The following SRBD1 variants were observed in gnomAD, a reference collection of about 807,000 sequenced individuals.
SRBD1 encodes the protein S1 RNA-binding domain-containing protein 1.
In SRBD1, 88 loss-of-function variants were observed where a neutral mutation model predicts 115.3. The observed-to-expected ratio is 0.76, with a 90% CI of 0.64 to 0.91. The LOEUF (loss-of-function observed/expected upper bound fraction) is 0.91, where lower values mean the gene tolerates loss of function less well. SRBD1 is among the 40% of genes least tolerant of loss of function. The pLI, the probability that SRBD1 is intolerant of heterozygous loss-of-function variation, is 0.00. For synonymous variants in SRBD1, 509 were observed against 407.7 expected, an observed-to-expected ratio of 1.25 and a Z score of -2.99; for missense variants, 1,385 against 1,177.4, an observed-to-expected ratio of 1.18 and a Z score of -2.58.
chr2:45,585,458 A>T, intron 5 of SRBD1, 150 bp downstream of exon 5: 1 of 806,034 alleles, frequency 1.2e-6, no homozygotes, highest in Non-Finnish European at 1.9e-6. Context: ...GACTCCATAC[A>T]CTCGCTAAAT....
intron 19 of SRBD1, among the ~76,000 whole-genome samples, chr2:45,408,715 T>C (rs1040111719): frequency 6.6e-6 from 1 of 152,202 alleles, no homozygotes; most frequent in African/African-American, 2.4e-5. Flanking sequence ...GTAATTCTAC[T>C]TCTAGGAATC....
intron 14 of SRBD1, among the ~76,000 whole-genome samples, chr2:45,501,495 G>A (rs901892928): frequency 2.0e-5 from 3 of 152,234 alleles, no homozygotes; most frequent in Non-Finnish European, 1.5e-5. Context: ...GCAAGGCATC[G>A]CCTCACCCAG....
chr2:45,432,003 GTATT>G (rs3047186), intron 16 of SRBD1, among the ~76,000 whole-genome samples: 50,807 of 142,618 alleles, frequency 0.36, 9,474 homozygotes, highest in Non-Finnish European at 0.42. Flanking sequence ...AGAGTTAAAA[GTATT>G]TATTTATTTA....
In SRBD1 at chr2:45,488,281, T is replaced by C. The variant is rs375090598; in HGVS notation, c.1925A>G (p.Asn642Ser). The change falls in exon 15 of 21, where the codon AAC becomes AGC. Residue 642 changes from asparagine to serine, a missense_variant. By Grantham distance (46) the Asn-to-Ser change is conservative. Transcript: ENST00000263736. ...ASIYSVSPEA[N>S]KEMPGLDPNL... ...AGGGTCCAGCCCTGGCATCTCTTTG[T>C]TAGCTTCAGGGCTGACACTGTAGAT... The C allele has an allele frequency of 6.2e-7, 1 of 1,614,058 alleles. No homozygotes were observed. Among genetic ancestry groups the C allele is most frequent in the Non-Finnish European group, 8.5e-7 (1 of 1,179,980 alleles).
intron 15 of SRBD1, among the ~76,000 whole-genome samples, chr2:45,478,094 T>C (rs111501426): frequency 6.6e-6 from 1 of 152,290 alleles, no homozygotes; most frequent in Non-Finnish European, 1.5e-5. Context: ...CCCTCTCCAG[T>C]AGCATATTTA....
intron 12 of SRBD1, among the ~76,000 whole-genome samples, chr2:45,550,106 T>C (rs1672249338): frequency 1.3e-5 from 2 of 152,048 alleles, no homozygotes; most frequent in South Asian, 2.1e-4. Flanking sequence ...AAGTATCAAA[T>C]GGAAATTCTA....
chr2:45,584,396 A>G (rs2104193727), intron 5 of SRBD1, among the ~76,000 whole-genome samples: 1 of 152,304 alleles, frequency 6.6e-6, no homozygotes, highest in South Asian at 2.1e-4. Context: ...ATATTTTTAC[A>G]TTGGCAAATT....
At chr2:45,610,940 AAC>A (rs1674429705) in intron 1 of SRBD1, among the ~76,000 whole-genome samples, 1 of 147,110 alleles carries the variant, frequency 6.8e-6, no homozygotes, top group Admixed American at 6.9e-5. Context: ...AAAAAAAAAA[AAC>A]AGGCTTGCCC....
intron 14 of SRBD1, among the ~76,000 whole-genome samples, chr2:45,533,307 A>C (rs962749013): frequency 1.3e-5 from 2 of 152,106 alleles, no homozygotes; most frequent in African/African-American, 4.8e-5. Flanking sequence ...ACCAAAACAC[A>C]GAATTCAGCA....
intron 16 of SRBD1, among the ~76,000 whole-genome samples, chr2:45,465,757 G>A (rs913425404): frequency 6.6e-6 from 1 of 152,138 alleles, no homozygotes; most frequent in African/African-American, 2.4e-5. Flanking sequence ...ATGTTACAGT[G>A]CATTACATTA....
rs952713323 is a variant in SRBD1 at position 45,585,715 on chromosome 2, A to C, written c.708T>G (p.Phe236Leu). ...PWVCANIIRL[F>L]NDDNTIPFII... ...TGAAGGGAATTGTGTTATCATCATTAAAGAGACGAATGATGTTGGCACAAA... is the reference window on the plus strand; with the variant it reads ...TGAAGGGAATTGTGTTATCATCATTCAAGAGACGAATGATGTTGGCACAAA... The change falls in exon 5 of 21, where the codon TTT becomes TTG. Residue 236 changes from phenylalanine (F) to leucine (L), a missense_variant. By Grantham distance (22) the Phe-to-Leu change is conservative. Transcript: ENST00000263736. 6.2e-7 allele frequency: 1 copy of C among 1,612,406 alleles called. No homozygotes were observed. Among genetic ancestry groups the C allele is most frequent in the Non-Finnish European group, 8.5e-7 (1 of 1,179,586 alleles).
intron 16 of SRBD1, among the ~76,000 whole-genome samples, chr2:45,467,451 A>G (rs1456769306): frequency 6.6e-6 from 1 of 152,248 alleles, no homozygotes; most frequent in Non-Finnish European, 1.5e-5. Flanking sequence ...ACTGTAACAT[A>G]TGATACCATA....
intron 4 of SRBD1, among the ~76,000 whole-genome samples, chr2:45,592,354 A>C (rs1673753097): frequency 6.6e-6 from 1 of 152,220 alleles, no homozygotes; most frequent in African/African-American, 2.4e-5. Context: ...TCACCTCCCA[A>C]GCATAAGGAG....
At chr2:45,559,566 A>G (rs1672595062) in intron 10 of SRBD1, among the ~76,000 whole-genome samples, 1 of 152,206 alleles carries the variant, frequency 6.6e-6, no homozygotes, top group Non-Finnish European at 1.5e-5. Flanking sequence ...TTACAGGGGA[A>G]TCTCCAAAAT....
rs375090598 is a variant in SRBD1 at position 45,488,281 on chromosome 2, T to A, written c.1925A>T (p.Asn642Ile). 2 of 1,614,058 alleles carry A rather than the reference T, an allele frequency of 1.2e-6. No individual in the cohort carries two copies. The highest frequency in any genetic ancestry group is 1.7e-6 in the Non-Finnish European group (2 of 1,179,980). ...AGGGTCCAGCCCTGGCATCTCTTTG[T>A]TAGCTTCAGGGCTGACACTGTAGAT... ...ASIYSVSPEA[N>I]KEMPGLDPNL... Residue 642 changes from asparagine (N) to isoleucine (I), a missense_variant, in exon 15 of 21, where the codon AAC becomes ATC. Transcript: ENST00000263736.
chr2:45,600,618 C>T (rs936525254), intron 3 of SRBD1, among the ~76,000 whole-genome samples: 2 of 152,170 alleles, frequency 1.3e-5, no homozygotes, highest in African/African-American at 4.8e-5. Context: ...CGCACAGCAG[C>T]CCACACAGGT....
chr2:45,574,394 G>A (rs1673112336), intron 8 of SRBD1, among the ~76,000 whole-genome samples: 1 of 152,194 alleles, frequency 6.6e-6, no homozygotes, highest in African/African-American at 2.4e-5. Context: ...ATGCCTCAGT[G>A]TAAGGAGGGT....
intron 14 of SRBD1, among the ~76,000 whole-genome samples, chr2:45,537,326 T>C (rs1164251247): frequency 6.6e-6 from 1 of 152,220 alleles, no homozygotes; most frequent in Non-Finnish European, 1.5e-5. Flanking sequence ...TTGCTTTTAA[T>C]TCTTGATACA....
chr2:45,462,038 C>T (rs1669332159), intron 16 of SRBD1, among the ~76,000 whole-genome samples: 1 of 151,702 alleles, frequency 6.6e-6, no homozygotes, highest in African/African-American at 2.4e-5. Flanking sequence ...AAAAATTGTA[C>T]AAAAACATTA....
Sources: gnomAD v4.1 joint callset for allele counts (sites outside exome capture counted in the v4.1 genomes callset) on GRCh38, gnomAD v4.1.1 for gene constraint, MANE v1.5 for transcripts, NCBI Gene and HGNC (gene_info 2026-07-23, HGNC 2026-07-21) for gene names.